Variants in RPH3A observed in about 807,000 individuals in gnomAD.
RPH3A encodes rabphilin 3A.
A neutral mutation model predicts 102.2 loss-of-function variants in RPH3A; 48 were observed. The ratio of observed to expected loss-of-function variants is 0.47; its 90% CI spans 0.37 to 0.60. The LOEUF (loss-of-function observed/expected upper bound fraction) is 0.60, where lower values mean the gene tolerates loss of function less well. Ranked by LOEUF, RPH3A falls within the 20% of genes least tolerant of loss-of-function variation. The probability of loss-of-function intolerance (pLI) is 0.00; values close to 1 mark genes in which losing one functional copy is unlikely to be tolerated. For missense variants in RPH3A, 781 were observed against 910.1 expected (o/e 0.86, Z 1.83); for synonymous variants, 310 against 324.3 (o/e 0.96, Z 0.47).
chr12:112,752,668 A>G (rs185354887), intron 1 of RPH3A, among the ~76,000 whole-genome samples: 1 of 151,862 alleles, frequency 6.6e-6, no homozygotes, highest in Admixed American at 6.6e-5. Context: ...TCTTCAAATC[A>G]ATAACTAGAA....
At chr12:112,836,384 T>A (rs895852995) in intron 3 of RPH3A, 107 bp from the exon 4 acceptor site, 15 of 538,668 alleles carry the variant, frequency 2.8e-5, no homozygotes, top group African/African-American at 2.8e-4. Flanking sequence ...TAGGTCATCA[T>A]AATTCAAGCT....
rs565564146 is a variant in RPH3A at position 112,748,156 on chromosome 12, G to C, written c.-139-43987G>C. Among the ~76,000 whole-genome samples the C allele has an allele frequency of 4.9e-4, 74 of 152,172 alleles. 1 individual carries two copies. The highest frequency in any genetic ancestry group is 9.1e-4 in the Non-Finnish European group (62 of 68,022). The stretch of plus-strand genomic sequence containing the variant: ...GGGTGCCTGCATGAATTGCTCACTG[G>C]GCTGTAAGTCCTATGAGGGCAGAGA... On this transcript the variant is annotated intron_variant, in intron 1 of 21. Transcript: ENST00000543106.
chr12:112,592,998 T>C (rs2039490283), intron 1 of RPH3A, among the ~76,000 whole-genome samples: 1 of 152,240 alleles, frequency 6.6e-6, no homozygotes, highest in Non-Finnish European at 1.5e-5. Context: ...TGTTATGGTC[T>C]GAACATTATG....
At chr12:112,825,983 G>C (rs542115468) in intron 2 of RPH3A, among the ~76,000 whole-genome samples, 2 of 151,998 alleles carry the variant, frequency 1.3e-5, no homozygotes, top group African/African-American at 4.8e-5. Context: ...GGATGTGCAG[G>C]TCTGTCACTC....
intron 1 of RPH3A, among the ~76,000 whole-genome samples, chr12:112,667,662 AAGAGAGAGAGAGAGAGAGAGAGAGAGAG>A (rs71086114): frequency 1.6e-3 from 113 of 72,834 alleles, no homozygotes; most frequent in South Asian, 0.015. Context: ...GAGATGAATA[AAGAGAGAGAGAGAGAGAGAGAGAGAGAG>A]AGAGAGAGAG....
intron 1 of RPH3A, among the ~76,000 whole-genome samples, chr12:112,592,345 T>C (rs2039484607): frequency 1.3e-5 from 2 of 152,320 alleles, no homozygotes; most frequent in South Asian, 4.2e-4. Flanking sequence ...TTTTTTGAGA[T>C]GGAGTGTCTG....
chr12:112,807,227 G>A (rs1203399747), intron 2 of RPH3A, among the ~76,000 whole-genome samples: 1 of 152,092 alleles, frequency 6.6e-6, no homozygotes, highest in Non-Finnish European at 1.5e-5. Flanking sequence ...GCAGTGCAGG[G>A]TTCACATGAA....
At chr12:112,656,957 T>G (rs1480381639) in intron 1 of RPH3A, among the ~76,000 whole-genome samples, 1 of 152,062 alleles carries the variant, frequency 6.6e-6, no homozygotes, top group Non-Finnish European at 1.5e-5. Flanking sequence ...TTTTTGGGGG[T>G]AGATATCCAG....
Position 112,681,508 on chromosome 12 carries a change from G to A in RPH3A, c.-140+106189G>A, listed in dbSNP as rs149760081. 3.4e-3 allele frequency among the ~76,000 whole-genome samples: 514 copies of A among 152,322 alleles called. 10 individuals are homozygous for A. Among genetic ancestry groups the A allele is most frequent in the Admixed American group, 0.028 (425 of 15,298 alleles). ...TAGGCAGGAGAGTAATATGAGACTG[G>A]CTGTGTTTCTACTGTAAGCCACCAC... On this transcript the variant is annotated intron_variant, in intron 1 of 21. Coordinates refer to the RPH3A transcript ENST00000543106.
At chr12:112,590,601 G>C (rs2039470028) in intron 1 of RPH3A, among the ~76,000 whole-genome samples, 1 of 152,206 alleles carries the variant, frequency 6.6e-6, no homozygotes, top group Non-Finnish European at 1.5e-5. Context: ...TTGTTTTAGA[G>C]ATGAAACAGA....
At chr12:112,661,799 C>G (rs374445441) in intron 1 of RPH3A, among the ~76,000 whole-genome samples, 2 of 151,740 alleles carry the variant, frequency 1.3e-5, no homozygotes, top group African/African-American at 2.4e-5. Context: ...GAAGCACTTC[C>G]GCTGATTAAA....
At chr12:112,887,037 C>A (rs1025622870) in intron 16 of RPH3A, among the ~76,000 whole-genome samples, 1 of 152,154 alleles carries the variant, frequency 6.6e-6, no homozygotes, top group East Asian at 1.9e-4. Flanking sequence ...TGACCAGAAC[C>A]TTTATAAACT....
At chr12:112,590,612 G>A (rs568267593) in intron 1 of RPH3A, among the ~76,000 whole-genome samples, 1 of 152,298 alleles carries the variant, frequency 6.6e-6, no homozygotes, top group South Asian at 2.1e-4. Flanking sequence ...ATGAAACAGA[G>A]CACCTTAGGA....
intron 1 of RPH3A, among the ~76,000 whole-genome samples, chr12:112,621,688 A>G (rs1262626497): frequency 6.6e-6 from 1 of 152,060 alleles, no homozygotes; most frequent in Non-Finnish European, 1.5e-5. Flanking sequence ...AGGAAGCTCG[A>G]ACTGGGTGGA....
intron 1 of RPH3A, among the ~76,000 whole-genome samples, chr12:112,713,698 T>C (rs1592958702): frequency 1.3e-5 from 2 of 151,698 alleles, no homozygotes; most frequent in African/African-American, 4.9e-5. Context: ...GTCTGGCATA[T>C]GGTGGATGTT....
chr12:112,844,165 G>T (rs2042193024), intron 4 of RPH3A, among the ~76,000 whole-genome samples: 1 of 152,186 alleles, frequency 6.6e-6, no homozygotes, highest in South Asian at 2.1e-4. Context: ...GGTGTGGGCA[G>T]GACCTGAGCC....
Position 112,894,399 on chromosome 12 carries a change from T to C in RPH3A, c.1776-179T>C, listed in dbSNP as rs2043146857. 4 of 625,580 alleles carry C rather than the reference T, an allele frequency of 6.4e-6. No individual in the cohort carries two copies. In the East Asian group the frequency reaches 1.1e-4, roughly 17 times the overall value. The allele number at this position is 625,580 out of a possible 1,614,324, so 38.8% of individuals were successfully genotyped here. A position where few individuals can be genotyped will look rare whatever the true frequency, so the allele number is the denominator to read the frequency against. On this transcript the variant is annotated intron_variant, in intron 19 of 21. Transcript: ENST00000389385. ...CATGTGGGGATTAAATATGCCTAAG[T>C]TGCTCAGTCAAGTGCCTGGTACCAA...
At chr12:112,787,825 C>T (rs981304230), upstream of RPH3A, among the ~76,000 whole-genome samples, 1 of 152,200 alleles carries the variant, frequency 6.6e-6, no homozygotes, top group Non-Finnish European at 1.5e-5. Context: ...GCATTTGTTG[C>T]TGTAGCTATT....
intron 21 of RPH3A, among the ~76,000 whole-genome samples, chr12:112,896,196 T>G (rs906428945): frequency 2.0e-5 from 3 of 152,248 alleles, no homozygotes; most frequent in Non-Finnish European, 4.4e-5. Context: ...AAATTTTTAA[T>G]TTTTTAGTTC....
Sources: gnomAD v4.1 joint callset for allele counts (sites outside exome capture counted in the v4.1 genomes callset) on GRCh38, gnomAD v4.1.1 for gene constraint, MANE v1.5 for transcripts, NCBI Gene and HGNC (gene_info 2026-07-23, HGNC 2026-07-21) for gene names.